The following XPA variants were observed in gnomAD, a reference collection of about 807,000 sequenced individuals.
The protein encoded by XPA is XPA, DNA damage recognition and repair factor, also known as DNA repair protein complementing XP-A cells.
A neutral mutation model predicts 35.7 loss-of-function variants in XPA; 27 were observed. The ratio of observed to expected loss-of-function variants is 0.76; its 90% CI spans 0.56 to 1.04. The LOEUF is 1.04. Among genes scored for constraint, XPA ranks in the 50% least tolerant of loss-of-function variants. The pLI, the probability that XPA is intolerant of heterozygous loss-of-function variation, is 0.00. For synonymous variants in XPA, 133 were observed against 118.4 expected (o/e 1.12, Z -0.80); for missense variants, 354 against 342.7 (o/e 1.03, Z -0.26).
At chr9:97,675,868 C>A (rs1828349197) in intron 5 of XPA, 1 of 481,992 alleles carries the variant, frequency 2.1e-6, no homozygotes, top group Non-Finnish European at 3.8e-6. Context: ...AAAACAGAAC[C>A]ATATTCAGAA....
chr9:97,676,062 T>C (rs3176748), intron 5 of XPA: 38,637 of 173,724 alleles, frequency 0.22, 5,264 homozygotes, highest in Non-Finnish European at 0.31. Flanking sequence ...TAGAGAACTC[T>C]ACCACTATGC....
chr9:97,670,584 T>C (rs1220369284), downstream of XPA, among the ~76,000 whole-genome samples: 1 of 152,232 alleles, frequency 6.6e-6, no homozygotes, highest in Non-Finnish European at 1.5e-5. Context: ...TCTGATTTTA[T>C]AGTTACTGCC....
the XPA span, chr9:97,654,852 A>T: frequency 3.1e-6 from 5 of 1,607,414 alleles, no homozygotes; most frequent in Non-Finnish European, 4.3e-6. Flanking sequence ...AAAAGTGGAG[A>T]ATAGTTTTCC....
chr9:97,655,668 T>C, the XPA span: 4 of 1,553,358 alleles, frequency 2.6e-6, no homozygotes, highest in Non-Finnish European at 3.5e-6. Context: ...TTATTCTTCC[T>C]TTTTCTCTGC....
the XPA span, among the ~76,000 whole-genome samples, chr9:97,663,591 T>C: frequency 6.6e-6 from 1 of 151,880 alleles, no homozygotes; most frequent in East Asian, 2.0e-4. Context: ...TTCAAGTGAT[T>C]CCCCTGCCTC....
downstream of XPA, among the ~76,000 whole-genome samples, chr9:97,674,008 C>T (rs996252159): frequency 1.3e-5 from 2 of 151,896 alleles, no homozygotes; most frequent in Non-Finnish European, 2.9e-5. Context: ...CTATTAACTA[C>T]TTCAAACAGT....
intron 2 of XPA, among the ~76,000 whole-genome samples, chr9:97,691,132 T>A (rs765150401): frequency 6.6e-6 from 1 of 152,166 alleles, no homozygotes; most frequent in Non-Finnish European, 1.5e-5. Context: ...AGCATGGTAA[T>A]AGAAGAGAGA....
downstream of XPA, among the ~76,000 whole-genome samples, chr9:97,674,455 T>C (rs779740784): frequency 2.0e-5 from 3 of 152,136 alleles, no homozygotes; most frequent in Non-Finnish European, 4.4e-5. Flanking sequence ...AAACTTCCTA[T>C]TCTATTTGTA....
Position 97,675,218 on chromosome 9 carries a change from A to T in XPA, c.*221T>A. On this transcript the variant is annotated 3_prime_UTR_variant, in exon 6 of 6. Transcript: ENST00000375128. ...GCTCCCATCTCTGTTGTAAGAAGGC[A>T]ATCACAGACATGACATTGTGCACAC... 1.5e-6 allele frequency: 1 copy of T among 655,106 alleles called. No individual in the cohort carries two copies. The highest frequency in any genetic ancestry group is 3.0e-5 in the East Asian group (1 of 33,072). The allele number at this position is 655,106 out of a possible 1,614,324, so 40.6% of individuals were successfully genotyped here.
chr9:97,670,939 C>CA, downstream of XPA: 1 of 486,266 alleles, frequency 2.1e-6, no homozygotes, highest in Non-Finnish European at 3.7e-6. Flanking sequence ...TGGGGATTTT[C>CA]AGGGGTCCAT....
intron 4 of XPA, among the ~76,000 whole-genome samples, chr9:97,685,858 CTGAA>C (rs1828701781): frequency 6.6e-6 from 1 of 152,196 alleles, no homozygotes. Flanking sequence ...GAATTGGACT[CTGAA>C]TGTAAAGTTT....
At chr9:97,670,716 T>C (rs1828163228), downstream of XPA, among the ~76,000 whole-genome samples, 5 of 152,304 alleles carry the variant, frequency 3.3e-5, no homozygotes, top group South Asian at 1.0e-3. Flanking sequence ...TGTCAGTCCG[T>C]CTGGCTGCTT....
chr9:97,677,035 A>AG (rs1342250560), intron 5 of XPA, among the ~76,000 whole-genome samples: 2 of 152,194 alleles, frequency 1.3e-5, no homozygotes, highest in African/African-American at 2.4e-5. Flanking sequence ...TAATGTAAGG[A>AG]AGATGTTGCC....
downstream of XPA, among the ~76,000 whole-genome samples, chr9:97,674,531 G>A (rs761678651): frequency 6.6e-6 from 1 of 152,148 alleles, no homozygotes; most frequent in Non-Finnish European, 1.5e-5. Context: ...ACTGGAATTT[G>A]TTTTTGTCAA....
At chr9:97,673,617 A>T (rs2131376687), downstream of XPA, 1 of 152,388 alleles carries the variant, frequency 6.6e-6, no homozygotes, top group Admixed American at 6.5e-5. Context: ...AAGAGCAAAC[A>T]TTCAACAGTT....
At chr9:97,679,624 G>T (rs774532024) in intron 5 of XPA, among the ~76,000 whole-genome samples, 7 of 152,096 alleles carry the variant, frequency 4.6e-5, no homozygotes, top group African/African-American at 1.7e-4. Flanking sequence ...GAAAGTGAAA[G>T]AAATAGAAAA....
chr9:97,686,809 G>A (rs1325866914), intron 4 of XPA, among the ~76,000 whole-genome samples: 1 of 152,068 alleles, frequency 6.6e-6, no homozygotes, highest in Non-Finnish European at 1.5e-5. Flanking sequence ...AGGCTGAGGT[G>A]GAAGGATTAC....
intron 5 of XPA, chr9:97,675,904 C>T: frequency 3.0e-6 from 1 of 332,674 alleles, no homozygotes. Flanking sequence ...CAATAGGACA[C>T]ATTCAGGTAC....
the XPA span, chr9:97,654,800 A>ATTTC: frequency 8.3e-7 from 1 of 1,209,068 alleles, no homozygotes. Flanking sequence ...AAGACTTGAA[A>ATTTC]TGTTTTATTT....
Sources: gnomAD v4.1 joint callset for allele counts (sites outside exome capture counted in the v4.1 genomes callset) on GRCh38, gnomAD v4.1.1 for gene constraint, MANE v1.5 for transcripts, NCBI Gene and HGNC (gene_info 2026-07-23, HGNC 2026-07-21) for gene names.